The following CECR2 variants were observed in gnomAD, a reference collection of about 807,000 sequenced individuals.
CECR2 encodes chromatin remodeling regulator CECR2.
Under a neutral mutation model 154.5 loss-of-function variants are expected in CECR2, and 30 were observed. The ratio of observed to expected loss-of-function variants is 0.19; its 90% confidence interval spans 0.15 to 0.26. The LOEUF is 0.26. CECR2 is among the 10% of genes least tolerant of loss of function. The pLI is 1.00. For missense variants in CECR2, 1,743 were observed against 1,829.3 expected (o/e 0.95, Z 0.86); for synonymous variants, 725 against 683.7 (o/e 1.06, Z -0.94).
rs150862438 is a variant in CECR2, at chr22:17,504,046, C to CTAAATAAATAAATAAATAAATAAA, written c.701-792_701-769dup. On this transcript the variant is annotated intron_variant, in intron 6 of 18. Transcript: ENST00000262608. ...TGGACAACAGAGCAGGACTCTGCCT[C>CTAAATAAATAAATAAATAAATAAA]TAAATAAATAAATAAATAAATAAAT... is the stretch of plus-strand genomic sequence containing the variant. Among the ~76,000 whole-genome samples, 1,120 of 136,592 alleles carry CTAAATAAATAAATAAATAAATAAA rather than the reference C, an allele frequency of 8.2e-3. 15 individuals are homozygous for CTAAATAAATAAATAAATAAATAAA. Among genetic ancestry groups the CTAAATAAATAAATAAATAAATAAA allele is most frequent in the African/African-American group, 0.027 (995 of 36,688 alleles). The allele number at this position is 136,592 out of a possible 152,430, so 89.6% of individuals were successfully genotyped here.
intron 8 of CECR2, chr22:17,519,017 G>T: frequency 5.6e-6 from 1 of 178,628 alleles, no homozygotes; most frequent in South Asian, 1.5e-4. Context: ...TCTCAAGATT[G>T]AGAAATCCAT....
chr22:17,370,281 A>G (rs1465696877), intron 1 of CECR2, among the ~76,000 whole-genome samples: 7 of 136,230 alleles, frequency 5.1e-5, no homozygotes, highest in East Asian at 2.4e-4. Flanking sequence ...GCCCGGTGCC[A>G]TTGAGGCGCG....
chr22:17,484,967 A>G (rs2055395016), intron 2 of CECR2, among the ~76,000 whole-genome samples: 1 of 152,184 alleles, frequency 6.6e-6, no homozygotes, highest in South Asian at 2.1e-4. Context: ...TTCCAGTTCC[A>G]CTGACTCAAT....
At chr22:17,457,651 C>T (rs116355958) in intron 1 of CECR2, among the ~76,000 whole-genome samples, 2 of 152,104 alleles carry the variant, frequency 1.3e-5, no homozygotes, top group Non-Finnish European at 2.9e-5. Flanking sequence ...ACCATATGAC[C>T]CAGCGGTTAC....
chr22:17,506,696 CAG>C (rs1050899004), intron 7 of CECR2, among the ~76,000 whole-genome samples: 1 of 152,178 alleles, frequency 6.6e-6, no homozygotes, highest in Non-Finnish European at 1.5e-5. Flanking sequence ...CTCTGTCACT[CAG>C]GGTGGAGTGC....
At chr22:17,527,769 C>CAAAAAA (rs3079565) in intron 9 of CECR2, among the ~76,000 whole-genome samples, 1 of 89,910 alleles carries the variant, frequency 1.1e-5, no homozygotes. Context: ...GATTCTGTCT[C>CAAAAAA]AAAAAAAAAA....
At position 17,556,473 on chromosome 22, in the gene CECR2, G is replaced by A. The variant is rs761049384; in HGVS notation, c.*3633G>A. ...ATTATTTTTGCTGATTCCTACTGCT[G>A]GCAGATGCCATCCCAGGCCCACAAA... On this transcript the variant is annotated 3_prime_UTR_variant, in exon 19 of 19. Transcript: ENST00000262608. The A allele has an allele frequency of 9.9e-5, 15 of 152,056 alleles. No individual in the cohort carries two copies. Among genetic ancestry groups the A allele is most frequent in the Non-Finnish European group, 2.2e-4 (15 of 68,026 alleles). The allele number at this position is 152,056 out of a possible 1,614,324, so 9.4% of individuals were successfully genotyped here.
chr22:17,495,213 A>T (rs1402728041), intron 2 of CECR2, among the ~76,000 whole-genome samples: 1 of 152,216 alleles, frequency 6.6e-6, no homozygotes, highest in African/African-American at 2.4e-5. Flanking sequence ...TTAATAGTTG[A>T]GATGTAAAAT....
intron 8 of CECR2, among the ~76,000 whole-genome samples, chr22:17,519,340 G>A (rs2056116370): frequency 6.7e-6 from 1 of 148,548 alleles, no homozygotes; most frequent in South Asian, 2.1e-4. Context: ...CACCCAGGCT[G>A]GAGTGCAGTG....
chr22:17,411,437 G>A (rs1282974284), intron 1 of CECR2, among the ~76,000 whole-genome samples: 1 of 152,176 alleles, frequency 6.6e-6, no homozygotes, highest in Non-Finnish European at 1.5e-5. Context: ...ATCCATCTGG[G>A]CCTCCCTTGA....
chr22:17,538,890 A>G, intron 12 of CECR2, 103 bp from the exon 13 acceptor site: 1 of 1,421,820 alleles, frequency 7.0e-7, no homozygotes, highest in Non-Finnish European at 9.6e-7. Flanking sequence ...TATTCATTAC[A>G]GATCAGCATT....
At chr22:17,479,784 T>C (rs2055274788) in intron 2 of CECR2, among the ~76,000 whole-genome samples, 1 of 150,178 alleles carries the variant, frequency 6.7e-6, no homozygotes, top group Non-Finnish European at 1.5e-5. Flanking sequence ...TTTTTTTTTT[T>C]TGGGACAGGG....
chr22:17,477,787 C>T, intron 2 of CECR2, 105 bp downstream of exon 2: 1 of 783,090 alleles, frequency 1.3e-6, no homozygotes, highest in Non-Finnish European at 2.2e-6. Flanking sequence ...GATCATTAGG[C>T]ATCACGGGAC....
chr22:17,422,031 G>A (rs1389892984), intron 1 of CECR2, among the ~76,000 whole-genome samples: 3 of 116,004 alleles, frequency 2.6e-5, no homozygotes, highest in Admixed American at 1.5e-4. Context: ...CACTCCCCTC[G>A]TCTTGCTTGT....
rs35094119 is a variant in CECR2, at chr22:17,447,874, G to GTTT, written c.127-29706_127-29704dup. Among the ~76,000 whole-genome samples the GTTT allele has an allele frequency of 4.8e-4, 59 of 122,858 alleles. 1 individual carries two copies. Among genetic ancestry groups the GTTT allele is most frequent in the Middle Eastern group, 4.2e-3 (1 of 236 alleles). The allele number at this position is 122,858 out of a possible 152,430, so 80.6% of individuals were successfully genotyped here. ...TAGCCATGGTAGCCACATTTCAAGT[G>GTTT]TTTTTTTTTTGTTTGTTTGTTTTTG... is the stretch of plus-strand genomic sequence containing the variant. On this transcript the variant is annotated intron_variant, in intron 1 of 18. Coordinates refer to ENST00000262608, the MANE Select transcript of CECR2 (RefSeq NM_001290047.2).
At chr22:17,376,644 GTT>G (rs200420435) in intron 1 of CECR2, among the ~76,000 whole-genome samples, 10 of 143,742 alleles carry the variant, frequency 7.0e-5, no homozygotes, top group Admixed American at 4.2e-4. Context: ...CTTTTTTTTT[GTT>G]TTTTTTTTTT....
intron 1 of CECR2, among the ~76,000 whole-genome samples, chr22:17,450,311 G>T (rs556598217): frequency 2.0e-5 from 3 of 151,978 alleles, no homozygotes; most frequent in African/African-American, 4.8e-5. Context: ...TCACTCTGTC[G>T]CCAGGCTGGA....
intron 1 of CECR2, among the ~76,000 whole-genome samples, chr22:17,436,599 C>A (rs1012541322): frequency 6.6e-6 from 1 of 152,230 alleles, no homozygotes; most frequent in African/African-American, 2.4e-5. Context: ...GTTGAGCTGC[C>A]TCTGTTCCTA....
intron 1 of CECR2, among the ~76,000 whole-genome samples, chr22:17,433,257 G>A: frequency 6.6e-6 from 1 of 152,174 alleles, no homozygotes; most frequent in East Asian, 1.9e-4. Context: ...CAATAATAGT[G>A]TGTAGATTTT....
Sources: allele counts gnomAD v4.1 joint callset (sites outside exome capture counted in the v4.1 genomes callset), GRCh38; gene constraint gnomAD v4.1.1; transcripts MANE v1.5; gene names NCBI Gene and HGNC (gene_info 2026-07-23, HGNC 2026-07-21).